Variants in NEO1 observed in about 807,000 individuals in gnomAD.
The protein encoded by NEO1 is neogenin.
Under a neutral mutation model 159.7 loss-of-function variants are expected in NEO1, and 63 were observed. The observed-to-expected ratio is 0.39, with a 90% CI of 0.32 to 0.49. The LOEUF is 0.49. Among genes scored for constraint, NEO1 ranks in the 20% least tolerant of loss-of-function variants. The pLI, the probability that NEO1 is intolerant of heterozygous loss-of-function variation, is 0.85. For missense variants in NEO1, 1,615 were observed against 1,831.0 expected (o/e 0.88, Z 2.15); for synonymous variants, 633 against 662.0 (o/e 0.96, Z 0.67).
intron 1 of NEO1, among the ~76,000 whole-genome samples, chr15:73,058,383 T>C (rs57453823): frequency 0.13 from 20,146 of 152,154 alleles, 2,072 homozygotes; most frequent in African/African-American, 0.28. Context: ...TGTGCAAGAG[T>C]TGGCATTGGA....
At chr15:73,295,125 A>AATAAATATATATATATATATATATATAT in intron 26 of NEO1, among the ~76,000 whole-genome samples, 1 of 100,152 alleles carries the variant, frequency 1.0e-5, no homozygotes, top group South Asian at 3.0e-4. Context: ...CTAAATATTA[A>AATAAATATATATATATATATATATATAT]ATATATATAT....
chr15:73,237,794 T>C (rs2039264073), intron 8 of NEO1, among the ~76,000 whole-genome samples: 3 of 152,178 alleles, frequency 2.0e-5, no homozygotes, highest in African/African-American at 4.8e-5. Context: ...ATATCTTCAA[T>C]AGACTTTGAA....
Position 73,252,771 on chromosome 15 carries a change from C to T in NEO1, c.1895-629C>T, listed in dbSNP as rs966677388. Among the ~76,000 whole-genome samples the T allele has an allele frequency of 7.9e-5, 12 of 152,194 alleles. No individual in the cohort carries two copies. In the East Asian group the frequency reaches 2.1e-3, roughly 27 times the overall value. On this transcript the variant is annotated intron_variant, in intron 11 of 28. Transcript: ENST00000261908. Reference sequence around the variant, plus strand: ...TTGAGAGGCCGAGGCAGATGGATCACCTGAGGTCAGGAGTTCAAGACCAGC... The same window carrying T: ...TTGAGAGGCCGAGGCAGATGGATCATCTGAGGTCAGGAGTTCAAGACCAGC...
intron 1 of NEO1, among the ~76,000 whole-genome samples, chr15:73,068,251 G>C (rs2151297038): frequency 8.8e-6 from 1 of 113,232 alleles, no homozygotes; most frequent in Admixed American, 1.3e-4. Context: ...TTGAGACAGT[G>C]TCTCACTGCA....
chr15:73,134,682 T>A (rs927934808), intron 4 of NEO1, among the ~76,000 whole-genome samples: 1 of 152,036 alleles, frequency 6.6e-6, no homozygotes, highest in African/African-American at 2.4e-5. Context: ...TCCGTGTAGC[T>A]GGGATTACAG....
intron 5 of NEO1, among the ~76,000 whole-genome samples, chr15:73,141,367 A>G (rs892095270): frequency 2.0e-5 from 3 of 151,456 alleles, no homozygotes; most frequent in Non-Finnish European, 4.4e-5. Flanking sequence ...CTTATCATTA[A>G]CTCCTGGAGT....
chr15:73,279,003 G>A (rs1011824212), intron 22 of NEO1, among the ~76,000 whole-genome samples: 10 of 152,348 alleles, frequency 6.6e-5, no homozygotes, highest in Middle Eastern at 6.8e-3. Flanking sequence ...ATGTGGAAGA[G>A]AGAGACATAT....
intron 7 of NEO1, among the ~76,000 whole-genome samples, chr15:73,187,131 A>G (rs1421358820): frequency 6.6e-6 from 1 of 152,234 alleles, no homozygotes; most frequent in Non-Finnish European, 1.5e-5. Flanking sequence ...TACTTTCAAT[A>G]TTATTTTTAA....
At chr15:73,125,315 A>C (rs747880528) in intron 3 of NEO1, among the ~76,000 whole-genome samples, 1 of 152,184 alleles carries the variant, frequency 6.6e-6, no homozygotes, top group East Asian at 1.9e-4. Flanking sequence ...TTTGTGGTTG[A>C]TTACGGAGGT....
intron 1 of NEO1, among the ~76,000 whole-genome samples, chr15:73,101,156 T>G (rs183432702): frequency 1.1e-4 from 17 of 152,350 alleles, no homozygotes; most frequent in Admixed American, 1.0e-3. Context: ...ACATGCTGTA[T>G]TTTCATTTTC....
At chr15:73,230,832 T>C (rs1246380898) in intron 7 of NEO1, among the ~76,000 whole-genome samples, 1 of 152,144 alleles carries the variant, frequency 6.6e-6, no homozygotes, top group Non-Finnish European at 1.5e-5. Flanking sequence ...GCTCAAGTGA[T>C]CCACCACTTC....
intron 1 of NEO1, among the ~76,000 whole-genome samples, chr15:73,057,768 T>G (rs1174461049): frequency 3.3e-5 from 5 of 152,208 alleles, no homozygotes; most frequent in Non-Finnish European, 7.4e-5. Context: ...TCTTTTTACA[T>G]TGTAATCATG....
intron 7 of NEO1, among the ~76,000 whole-genome samples, chr15:73,182,742 G>A (rs1365007979): frequency 6.6e-6 from 1 of 152,056 alleles, no homozygotes; most frequent in East Asian, 1.9e-4. Context: ...CCACCCCCAT[G>A]ATTTAATTAT....
At chr15:73,094,448 G>C (rs1295917060) in intron 1 of NEO1, among the ~76,000 whole-genome samples, 3 of 152,164 alleles carry the variant, frequency 2.0e-5, no homozygotes, top group African/African-American at 7.2e-5. Context: ...TATAATACAT[G>C]TTATATAATC....
intron 7 of NEO1, 35 bp from the exon 8 acceptor site, chr15:73,236,312 C>T (rs758617918): frequency 2.2e-5 from 36 of 1,613,992 alleles, no homozygotes; most frequent in Non-Finnish European, 2.8e-5. Context: ...CATTACCTCC[C>T]ACTTCACTGA....
chr15:73,108,308 A>G (rs960600936), intron 1 of NEO1, among the ~76,000 whole-genome samples: 1 of 152,168 alleles, frequency 6.6e-6, no homozygotes, highest in Non-Finnish European at 1.5e-5. Context: ...CTTGCACATC[A>G]TGAAGAAATT....
intron 11 of NEO1, among the ~76,000 whole-genome samples, chr15:73,251,636 T>C (rs2040077406): frequency 6.7e-6 from 1 of 150,144 alleles, no homozygotes; most frequent in Non-Finnish European, 1.5e-5. Context: ...GGGAAAAAAA[T>C]GTTTACTGTA....
chr15:73,052,691 G>A lies in NEO1; in HGVS notation c.16G>A (p.Gly6Arg). 2.9e-6 allele frequency: 4 copies of A among 1,356,984 alleles called. No homozygotes were observed. The highest frequency in any genetic ancestry group is 2.9e-6 in the Non-Finnish European group (3 of 1,047,606). 84.1% of individuals were successfully genotyped at this position (1,356,984 alleles called of 1,614,324 possible). MAAER[G>R]ARRLLSTPSF... The stretch of plus-strand genomic sequence containing the variant: ...CGGGGAAGAGATGGCGGCGGAGCGG[G>A]GAGCCCGGCGACTCCTCAGCACCCC... The change falls in exon 1 of 29, where the codon GGA (glycine) becomes AGA (arginine). Residue 6 changes from glycine to arginine, a missense_variant. Around this residue, in one of 3 missense-constraint regions of NEO1, gnomAD observed 1,018 missense variants for 1,115.4 expected, o/e 0.91. Transcript: ENST00000261908.
chr15:73,281,201 CAA>C (rs35808353), intron 22 of NEO1, among the ~76,000 whole-genome samples: 3 of 118,632 alleles, frequency 2.5e-5, no homozygotes, highest in African/African-American at 3.3e-5. Flanking sequence ...GAGCGAGACT[CAA>C]AAAAAAAAAA....
Sources: gnomAD v4.1 joint callset for allele counts (sites outside exome capture counted in the v4.1 genomes callset) on GRCh38, gnomAD v4.1.1 for gene constraint, gnomAD v4.1.1 regional missense constraint, MANE v1.5 for transcripts, NCBI Gene and HGNC (gene_info 2026-07-23, HGNC 2026-07-21) for gene names.